Variants in CEP290 observed in about 807,000 individuals in gnomAD.
CEP290 encodes centrosomal protein of 290 kDa.
A neutral mutation model predicts 344.9 loss-of-function variants in CEP290; 317 were observed. That is an observed-to-expected ratio of 0.92 (90% CI 0.84 to 1.01). CEP290 has a LOEUF of 1.01. Ranked by LOEUF, CEP290 falls within the 50% of genes least tolerant of loss-of-function variation. CEP290 has a pLI of 0.00. For missense variants in CEP290, 2,754 were observed against 2,761.4 expected (o/e 1.00, Z 0.06); for synonymous variants, 932 against 895.8 (o/e 1.04, Z -0.72).
intron 27 of CEP290, among the ~76,000 whole-genome samples, chr12:88,095,594 C>T (rs1360326373): frequency 6.6e-6 from 1 of 152,150 alleles, no homozygotes; most frequent in Non-Finnish European, 1.5e-5. Flanking sequence ...CATATTTAAT[C>T]TCTTATTGAG....
At chr12:88,078,961 G>T (rs1374069765) in intron 39 of CEP290, 131 bp downstream of exon 39, 3 of 626,158 alleles carry the variant, frequency 4.8e-6, no homozygotes, top group African/African-American at 3.9e-5. Context: ...GCATGTGTGT[G>T]TCTATGTCTA....
intron 5 of CEP290, among the ~76,000 whole-genome samples, chr12:88,137,042 A>T (rs987618180): frequency 1.3e-5 from 2 of 152,058 alleles, no homozygotes; most frequent in African/African-American, 4.8e-5. Context: ...TTCTGTTGTA[A>T]CCACTGGGCC....
chr12:88,096,050 ATTTTT>A lies in CEP290; in HGVS notation c.3103+833_3103+837del, dbSNP rs72194586. ...TTTATAAGTATGATGAATAAAACAA[ATTTTT>A]TTTTTTTTTTGAGACGGAGTCTCAC... On this transcript the variant is annotated intron_variant, in intron 27 of 53. Coordinates refer to ENST00000552810, the MANE Select transcript of CEP290 (RefSeq NM_025114.4). Among the ~76,000 whole-genome samples, 29 of 150,166 alleles carry A rather than the reference ATTTTT, an allele frequency of 1.9e-4. No homozygotes were observed. The South Asian group carries it at 5.5e-3, about 28-fold the overall frequency.
rs2033892936 is a variant in CEP290, at chr12:88,055,136, T to C, written c.6960+440A>G. On this transcript the variant is annotated intron_variant, in intron 50 of 53. Transcript: ENST00000552810. ...CTGGAAGATTCTGAGGATAGGACTT[T>C]GTGCTTTGTGATGTGCTTTATGTTT... Among the ~76,000 whole-genome samples the C allele has an allele frequency of 1.3e-5, 2 of 152,144 alleles. 1 individual carries two copies. The highest frequency in any genetic ancestry group is 3.8e-4 in the East Asian group (2 of 5,196).
chr12:88,096,717 G>A lies in CEP290; in HGVS notation c.3103+171C>T, dbSNP rs559792796. On this transcript the variant is annotated intron_variant, in intron 27 of 53. Coordinates refer to ENST00000552810, the MANE Select transcript of CEP290 (RefSeq NM_025114.4). ...AAGGACTGAAAACTAAACTTTGGTG[G>A]GGTTAAGTACAGGATTATTCATCTG... 8.5e-5 allele frequency among the ~76,000 whole-genome samples: 13 copies of A among 152,104 alleles called. No homozygotes were observed. In the South Asian group the frequency reaches 2.7e-3, roughly 32 times the overall value.
intron 23 of CEP290, 139 bp from the exon 24 acceptor site, chr12:88,107,237 G>T: frequency 2.0e-6 from 1 of 494,358 alleles, no homozygotes; most frequent in Non-Finnish European, 3.4e-6. Flanking sequence ...GAAAACACAA[G>T]AAGTTAAACT....
Position 88,093,900 on chromosome 12 carries a change from G to GT in CEP290, c.3178dup (p.Thr1060AsnfsTer10). 1.2e-6 allele frequency: 2 copies of GT among 1,612,248 alleles called. No individual in the cohort carries two copies. The highest frequency in any genetic ancestry group is 1.7e-4 in the Middle Eastern group (1 of 6,052). ...ATTTAATTCCTTCATTTCCAGCATAGTTATTTTTTTTGAAATGGAAACAAT... is the reference window on the plus strand; with the variant it reads ...ATTTAATTCCTTCATTTCCAGCATAGTTTATTTTTTTTGAAATGGAAACAAT... On this transcript the variant is annotated frameshift_variant, in exon 28 of 54. Coordinates refer to ENST00000552810, the MANE Select transcript of CEP290 (RefSeq NM_025114.4). LOFTEE classifies it high-confidence loss of function.
chr12:88,115,920 T>TC, intron 18 of CEP290: 6 of 984,774 alleles, frequency 6.1e-6, no homozygotes, highest in Non-Finnish European at 7.2e-6. Context: ...TAAGGGTACT[T>TC]CACTTTTTAT....
At position 88,083,928 on chromosome 12, in the gene CEP290, A is replaced by T; in HGVS notation, c.4731T>A (p.His1577Gln). The T allele has an allele frequency of 6.3e-7, 1 of 1,594,222 alleles. No individual in the cohort carries two copies. The highest frequency in any genetic ancestry group is 8.6e-7 in the Non-Finnish European group (1 of 1,169,072). Residue 1577 changes from histidine (H) to glutamine (Q), a missense_variant, in exon 36 of 54, where the codon CAT (histidine) becomes CAA (glutamine). Transcript: ENST00000552810. ...GATGAAGAATATGAAGGTCTTCCTC[A>T]TGTTTCTTCACAATTTCTCTTTGCT... Reference protein sequence around the residue: ...REEQREIVKKHEEDLHILHHR... With the variant: ...REEQREIVKKQEEDLHILHHR...
chr12:88,064,133 TA>T lies in CEP290; in HGVS notation c.6136-19del. On this transcript the variant is annotated intron_variant, in intron 44 of 53. Coordinates refer to ENST00000552810, the MANE Select transcript of CEP290 (RefSeq NM_025114.4). ...CCTGAAATCTTCAGGGAAATGAAAT[TA>T]GGAATATTTTTAAAGTTTAATAAAT... The T allele has an allele frequency of 6.6e-7, 1 of 1,518,094 alleles. No homozygotes were observed. Among genetic ancestry groups the T allele is most frequent in the Non-Finnish European group, 8.8e-7 (1 of 1,131,940 alleles). 94.0% of individuals were successfully genotyped at this position (1,518,094 alleles called of 1,614,324 possible).
At chr12:88,117,699 A>T (rs770392044) in intron 17 of CEP290, among the ~76,000 whole-genome samples, 40 of 152,208 alleles carry the variant, frequency 2.6e-4, no homozygotes, top group Admixed American at 2.0e-3. Flanking sequence ...CCCAAGAAAG[A>T]TGTTAATTTA....
Position 88,139,240 on chromosome 12 carries a change from AAAAC to A in CEP290, c.251-53_251-50del, listed in dbSNP as rs924397637. 5.3e-6 allele frequency: 4 copies of A among 750,258 alleles called. No homozygotes were observed. The African/African-American group carries it at 7.3e-5, about 14-fold the overall frequency. The allele number at this position is 750,258 out of a possible 1,614,324, so 46.5% of individuals were successfully genotyped here. ...AACGTTTTAATTGATTAGTTACCAC[AAAAC>A]AAACTTTTAAATAAATTTCAATAAC... is the stretch of plus-strand genomic sequence containing the variant. On this transcript the variant is annotated intron_variant, in intron 4 of 53. Transcript: ENST00000552810.
chr12:88,084,846 T>G lies in CEP290; in HGVS notation c.4444A>C (p.Lys1482Gln), dbSNP rs2036459448. The part of the protein sequence containing the change: ...ATCKSLEEKL[K>Q]EKESALRLAE... ...AACCTTAAAGCAGATTCTTTCTCTT[T>G]TAGTTTCTGCAATGATTAAATTATA... Residue 1482 changes from lysine (K) to glutamine (Q), a missense_variant, in exon 35 of 54, where the codon AAA becomes CAA. Lys to Gln is a moderately conservative substitution (Grantham distance 53, BLOSUM62 1). Transcript: ENST00000552810. The G allele has an allele frequency of 6.5e-7, 1 of 1,546,266 alleles. No individual in the cohort carries two copies.
At chr12:88,059,569 G>A (rs533281515) in intron 48 of CEP290, among the ~76,000 whole-genome samples, 5 of 152,060 alleles carry the variant, frequency 3.3e-5, no homozygotes, top group African/African-American at 9.6e-5. Context: ...CACCACGCCC[G>A]GCTAATTTTT....
rs797044604 is a variant in CEP290, at chr12:88,086,450, C to A, written c.4243G>T (p.Glu1415Ter). The change falls in exon 33 of 54, where the codon GAA (glutamate) becomes TAA (stop). Residue 1415 changes from glutamate to a stop codon, truncating the protein, a stop_gained. Coordinates refer to ENST00000552810, the MANE Select transcript of CEP290 (RefSeq NM_025114.4). LOFTEE classifies it high-confidence loss of function. ...MAWDQREVDL[E>*]RQLDIFDRQQ... ...CGGTCAAAAATGTCTAGTTGGCGTTCCAGGTCAACTTCTCTTTGATCCCAG... is the reference window on the plus strand; with the variant it reads ...CGGTCAAAAATGTCTAGTTGGCGTTACAGGTCAACTTCTCTTTGATCCCAG... 8 of 1,600,824 alleles carry A rather than the reference C, an allele frequency of 5.0e-6. No homozygotes were observed. The highest frequency in any genetic ancestry group is 6.0e-6 in the Non-Finnish European group (7 of 1,172,358).
At chr12:88,111,423 A>C (rs2038681817) in intron 21 of CEP290, 72 bp from the exon 22 acceptor site, 2 of 1,375,150 alleles carry the variant, frequency 1.5e-6, no homozygotes, top group Non-Finnish European at 1.9e-6. Flanking sequence ...CAGATATGTG[A>C]ATGCCCTGCC....
At chr12:88,141,755 C>G (rs2040689663) in intron 1 of CEP290, 145 bp downstream of exon 1, 1 of 152,548 alleles carries the variant, frequency 6.6e-6, no homozygotes, top group Non-Finnish European at 1.5e-5. Context: ...TGAAGTTGTG[C>G]GGCGGAAACT....
chr12:88,103,092 CAA>C, intron 25 of CEP290, 81 bp from the exon 26 acceptor site: 1 of 816,328 alleles, frequency 1.2e-6, no homozygotes, highest in Non-Finnish European at 1.8e-6. Context: ...AAAGATAATA[CAA>C]CTTAAAGTAA....
intron 47 of CEP290, 112 bp from the exon 48 acceptor site, chr12:88,060,132 T>C: frequency 1.1e-6 from 1 of 948,428 alleles, no homozygotes; most frequent in Non-Finnish European, 1.5e-6. Context: ...ATATTTGATA[T>C]GATTAGAATT....
Sources: gnomAD v4.1 joint callset for allele counts (sites outside exome capture counted in the v4.1 genomes callset) on GRCh38, gnomAD v4.1.1 for gene constraint, MANE v1.5 for transcripts, NCBI Gene and HGNC (gene_info 2026-07-23, HGNC 2026-07-21) for gene names.